Variants in MYO10 observed in about 807,000 individuals in gnomAD.
The protein encoded by MYO10 is myosin X.
A neutral mutation model predicts 257.3 loss-of-function variants in MYO10; 133 were observed. That is an observed-to-expected ratio of 0.52 (90% CI 0.45 to 0.60). The LOEUF (loss-of-function observed/expected upper bound fraction) is 0.60. MYO10 is among the 20% of genes least tolerant of loss of function. The pLI, the probability that MYO10 is intolerant of heterozygous loss-of-function variation, is 0.00. For missense variants in MYO10, 2,399 were observed against 2,635.7 expected, an observed-to-expected ratio of 0.91 and a Z score of 1.97; for synonymous variants, 1,104 against 1,028.6, an observed-to-expected ratio of 1.07 and a Z score of -1.40.
intron 1 of MYO10, among the ~76,000 whole-genome samples, chr5:16,934,105 C>A (rs554681701): frequency 6.6e-6 from 1 of 152,220 alleles, no homozygotes; most frequent in Non-Finnish European, 1.5e-5. Flanking sequence ...AACAACCAGG[C>A]CCCTTACACT....
chr5:16,717,647 C>G (rs1738928566), intron 19 of MYO10, among the ~76,000 whole-genome samples: 1 of 152,206 alleles, frequency 6.6e-6, no homozygotes, highest in South Asian at 2.1e-4. Context: ...CTGGCTACTC[C>G]CATAAACACG....
intron 19 of MYO10, among the ~76,000 whole-genome samples, chr5:16,746,877 C>G (rs1312627215): frequency 6.6e-6 from 1 of 152,156 alleles, no homozygotes; most frequent in Non-Finnish European, 1.5e-5. Flanking sequence ...AATGTTTGGA[C>G]AGAGTGAATA....
intron 1 of MYO10, among the ~76,000 whole-genome samples, chr5:16,895,326 G>C (rs1251579284): frequency 6.6e-6 from 1 of 152,218 alleles, no homozygotes; most frequent in African/African-American, 2.4e-5. Flanking sequence ...AGTGAATGGA[G>C]AATGGGCCGA....
chr5:16,708,414 G>A (rs892632415), intron 21 of MYO10, among the ~76,000 whole-genome samples: 2 of 152,138 alleles, frequency 1.3e-5, no homozygotes, highest in African/African-American at 4.8e-5. Flanking sequence ...AGCCTGCCTT[G>A]GGCCTGATTT....
Position 16,710,953 on chromosome 5 carries a change from C to T in MYO10, c.2124G>A (p.Gln708=), listed in dbSNP as rs775440191. 10 of 1,613,916 alleles carry T rather than the reference C, an allele frequency of 6.2e-6. No homozygotes were observed. The highest frequency in any genetic ancestry group is 8.5e-6 in the Non-Finnish European group (10 of 1,179,874). ...DVRGKCTSLL[Q]LYDASNSEWQ... ...ACTCGCTGTTGGAGGCATCATAGAG[C>T]TGCAGCAGGCTCGTGCACTTCCCTC... The change falls in exon 21 of 41, where the codon CAG becomes CAA. Residue 708 remains glutamine, a synonymous_variant. Transcript: ENST00000513610.
chr5:16,809,891 C>T (rs112139897), intron 3 of MYO10, among the ~76,000 whole-genome samples: 1,890 of 152,198 alleles, frequency 0.012, 16 homozygotes, highest in Middle Eastern at 0.02. Flanking sequence ...TGCAGGCGAC[C>T]GCTGAAGTTC....
chr5:16,745,243 G>A (rs529977909), intron 19 of MYO10, among the ~76,000 whole-genome samples: 34 of 152,286 alleles, frequency 2.2e-4, no homozygotes, highest in African/African-American at 7.0e-4. Flanking sequence ...TGGAGGCTGA[G>A]GCAAGAGAAT....
At chr5:16,759,862 T>C (rs1324313937) in intron 17 of MYO10, among the ~76,000 whole-genome samples, 1 of 152,206 alleles carries the variant, frequency 6.6e-6, no homozygotes, top group Non-Finnish European at 1.5e-5. Flanking sequence ...AACCCTCACA[T>C]AGAAGAGTTA....
At chr5:16,857,783 C>A (rs750332851) in intron 2 of MYO10, among the ~76,000 whole-genome samples, 69 of 152,218 alleles carry the variant, frequency 4.5e-4, no homozygotes, top group Non-Finnish European at 6.3e-4. Context: ...ACAGACTCAT[C>A]CTGGCTGGTC....
chr5:16,780,512 C>A lies in MYO10; in HGVS notation c.826+12G>T. On this transcript the variant is annotated intron_variant, in intron 8 of 40. Transcript: ENST00000513610. ...TTGCTAGTCCACATTATCCAGCTGT[C>A]GTCCCACTCACCTCTTTCTTCATGT... The A allele has an allele frequency of 1.3e-6, 2 of 1,557,968 alleles. No homozygotes were observed. The highest frequency in any genetic ancestry group is 1.2e-5 in the South Asian group (1 of 85,114).
At chr5:16,833,671 A>G (rs541337103) in intron 2 of MYO10, among the ~76,000 whole-genome samples, 12 of 152,322 alleles carry the variant, frequency 7.9e-5, no homozygotes, top group African/African-American at 2.4e-4. Context: ...TTTGCAGAAC[A>G]TGAGATTTGG....
chr5:16,792,283 A>G (rs2126678984), intron 4 of MYO10, among the ~76,000 whole-genome samples: 1 of 152,168 alleles, frequency 6.6e-6, no homozygotes, highest in Admixed American at 6.5e-5. Context: ...ACTGCCAGTG[A>G]GAAGAACACA....
chr5:16,785,339 G>A (rs1219356008), intron 4 of MYO10, among the ~76,000 whole-genome samples: 1 of 152,192 alleles, frequency 6.6e-6, no homozygotes, highest in African/African-American at 2.4e-5. Context: ...TGCACAGAAT[G>A]ACTCACAGAA....
At position 16,672,614 on chromosome 5, in the gene MYO10, G is replaced by A. The variant is rs192509937; in HGVS notation, c.5309+75C>T. Reference sequence around the variant, plus strand: ...CAGCGTGAAGCCACAAATGGAATGGGAAGCTCAAACCCTGAACCCTGCTCT... The same window carrying A: ...CAGCGTGAAGCCACAAATGGAATGGAAAGCTCAAACCCTGAACCCTGCTCT... On this transcript the variant is annotated intron_variant, in intron 37 of 40. Coordinates refer to ENST00000513610, the MANE Select transcript of MYO10 (RefSeq NM_012334.3). 67 of 1,554,286 alleles carry A rather than the reference G, an allele frequency of 4.3e-5. No individual in the cohort carries two copies. In the African/African-American group the frequency reaches 8.7e-4, roughly 20 times the overall value.
In MYO10 at chr5:16,764,236, G is replaced by C. The variant is rs372580791; in HGVS notation, c.1326+14C>G. 1.2e-5 allele frequency: 19 copies of C among 1,613,542 alleles called. No individual in the cohort carries two copies. Among genetic ancestry groups the C allele is most frequent in the Non-Finnish European group, 1.5e-5 (18 of 1,179,722 alleles). Reference sequence around the variant, plus strand: ...CAGAAGAGAATTCACGTGCTGCACTGTTAGGAAACCTACCTCAAAGTTTTC... The same window carrying C: ...CAGAAGAGAATTCACGTGCTGCACTCTTAGGAAACCTACCTCAAAGTTTTC... On this transcript the variant is annotated intron_variant, in intron 12 of 40. Transcript: ENST00000513610.
At chr5:16,752,498 G>C (rs1247102591) in intron 19 of MYO10, among the ~76,000 whole-genome samples, 2 of 152,162 alleles carry the variant, frequency 1.3e-5, no homozygotes, top group African/African-American at 4.8e-5. Flanking sequence ...GGCCAGGCTG[G>C]TTTCGAATTT....
At chr5:16,734,117 A>AAG (rs1739693411) in intron 19 of MYO10, among the ~76,000 whole-genome samples, 2 of 151,966 alleles carry the variant, frequency 1.3e-5, no homozygotes, top group African/African-American at 4.8e-5. Context: ...GCAAAAAAAA[A>AAG]AAGAAAGAAA....
At chr5:16,888,010 T>C (rs1484660836) in intron 1 of MYO10, among the ~76,000 whole-genome samples, 1 of 152,236 alleles carries the variant, frequency 6.6e-6, no homozygotes, top group Non-Finnish European at 1.5e-5. Context: ...ATCTATTAGT[T>C]AACCATCATT....
At chr5:16,764,792 G>A (rs542809727) in intron 11 of MYO10, among the ~76,000 whole-genome samples, 194 of 152,210 alleles carry the variant, frequency 1.3e-3, no homozygotes, top group South Asian at 3.1e-3. Flanking sequence ...AGGTTCAAGC[G>A]ATTCTCCTGC....
Sources: allele counts gnomAD v4.1 joint callset (sites outside exome capture counted in the v4.1 genomes callset), GRCh38; gene constraint gnomAD v4.1.1; transcripts MANE v1.5; gene names NCBI Gene and HGNC (gene_info 2026-07-23, HGNC 2026-07-21).